FOXN3: variants seen among roughly 807,000 people sequenced by gnomAD.
The protein encoded by FOXN3 is forkhead box N3.
Under a neutral mutation model 38.4 loss-of-function variants are expected in FOXN3, and 7 were observed. That is an observed-to-expected ratio of 0.18 (90% confidence interval 0.10 to 0.34). FOXN3 has a LOEUF of 0.34. Among genes scored for constraint, FOXN3 ranks in the 10% least tolerant of loss-of-function variants. FOXN3 has a pLI of 1.00. For missense variants in FOXN3, 456 were observed against 613.4 expected, an observed-to-expected ratio of 0.74 and a Z score of 2.71; for synonymous variants, 230 against 242.2, an observed-to-expected ratio of 0.95 and a Z score of 0.47.
chr14:89,513,761 A>AT (rs1416954316), intron 1 of FOXN3, among the ~76,000 whole-genome samples: 1 of 151,742 alleles, frequency 6.6e-6, no homozygotes, highest in Non-Finnish European at 1.5e-5. Context: ...CATCCGGCTG[A>AT]TTTTTTTGTA....
At position 89,202,359 on chromosome 14, in the gene FOXN3, A is replaced by T. The variant is rs559445359; in HGVS notation, c.746-21553T>A. 3.5e-4 allele frequency among the ~76,000 whole-genome samples: 53 copies of T among 152,358 alleles called. No individual in the cohort carries two copies. In the South Asian group the frequency reaches 0.01, roughly 29 times the overall value. ...TTCTTTCTGGGTAGACTTCTACCAT[A>T]TTGAATCACACACCCGGTCCCACTA... On this transcript the variant is annotated intron_variant, in intron 4 of 5. Coordinates refer to ENST00000557258, the MANE Select transcript of FOXN3 (RefSeq NM_005197.4).
Position 89,511,844 on chromosome 14 carries a change from A to G in FOXN3, c.-14-99354T>C, listed in dbSNP as rs901300190. Among the ~76,000 whole-genome samples the G allele has an allele frequency of 4.6e-5, 7 of 152,192 alleles. No individual in the cohort carries two copies. The South Asian group carries it at 6.2e-4, about 14-fold the overall frequency. On this transcript the variant is annotated intron_variant, in intron 1 of 6. Transcript: ENST00000345097. The stretch of plus-strand genomic sequence containing the variant: ...AAGCAAACACGTCCTTCTTCACATA[A>G]TGGCAGGAACAAGAAGAATAAGTGC...
chr14:89,341,557 C>A (rs1284875896), intron 3 of FOXN3, among the ~76,000 whole-genome samples: 1 of 152,090 alleles, frequency 6.6e-6, no homozygotes, highest in African/African-American at 2.4e-5. Context: ...CTTTGTTAAT[C>A]TAGAAAATTT....
At chr14:89,224,984 C>CTG (rs538891402) in intron 4 of FOXN3, among the ~76,000 whole-genome samples, 251 of 151,838 alleles carry the variant, frequency 1.7e-3, no homozygotes, top group African/African-American at 5.9e-3. Flanking sequence ...AAAAAATTAG[C>CTG]TGGGTGTGGT....
chr14:89,589,731 C>T (rs1004850367), intron 1 of FOXN3, among the ~76,000 whole-genome samples: 5 of 6,584 alleles, frequency 7.6e-4, no homozygotes, highest in East Asian at 1.4e-3. Flanking sequence ...GAATTGGGGG[C>T]GGGGGGGCGG....
chr14:89,475,188 C>T (rs1295016938), intron 1 of FOXN3, among the ~76,000 whole-genome samples: 4 of 152,162 alleles, frequency 2.6e-5, no homozygotes, highest in East Asian at 1.9e-4. Flanking sequence ...TTTATACACA[C>T]CCATATATAT....
chr14:89,300,364 T>C (rs1402467839), intron 3 of FOXN3, among the ~76,000 whole-genome samples: 4 of 152,086 alleles, frequency 2.6e-5, no homozygotes, highest in Non-Finnish European at 4.4e-5. Flanking sequence ...TCTATTTGTA[T>C]AGAGACAGGG....
intron 3 of FOXN3, among the ~76,000 whole-genome samples, chr14:89,346,669 T>C (rs1404661443): frequency 6.6e-6 from 1 of 152,162 alleles, no homozygotes; most frequent in African/African-American, 2.4e-5. Context: ...GTTTGTCCAC[T>C]CCAAACTCCC....
chr14:89,345,767 C>T (rs1042760958), intron 3 of FOXN3, among the ~76,000 whole-genome samples: 6 of 152,228 alleles, frequency 3.9e-5, no homozygotes, highest in South Asian at 4.1e-4. Context: ...CTTAGAATAA[C>T]GGCCTCCAGG....
At chr14:89,591,177 C>A (rs1895943165) in intron 1 of FOXN3, among the ~76,000 whole-genome samples, 1 of 152,186 alleles carries the variant, frequency 6.6e-6, no homozygotes, top group South Asian at 2.1e-4. Flanking sequence ...CGCCTTATTT[C>A]CAGCCTACAG....
chr14:89,229,589 G>C (rs1413616137), intron 4 of FOXN3, among the ~76,000 whole-genome samples: 1 of 152,134 alleles, frequency 6.6e-6, no homozygotes, highest in East Asian at 1.9e-4. Context: ...GTTTGGGCAG[G>C]AACCAAATGC....
At chr14:89,485,208 A>G (rs1419477030) in intron 1 of FOXN3, among the ~76,000 whole-genome samples, 1 of 151,340 alleles carries the variant, frequency 6.6e-6, no homozygotes, top group Non-Finnish European at 1.5e-5. Flanking sequence ...CCAGCTTAAC[A>G]AAGGGCAGAC....
At chr14:89,468,263 G>T (rs1278162307) in intron 1 of FOXN3, among the ~76,000 whole-genome samples, 1 of 151,950 alleles carries the variant, frequency 6.6e-6, no homozygotes, top group Non-Finnish European at 1.5e-5. Flanking sequence ...AGACCAGCCT[G>T]GCCAACGTGG....
At chr14:89,522,855 C>T (rs963950272) in intron 1 of FOXN3, among the ~76,000 whole-genome samples, 3 of 151,390 alleles carry the variant, frequency 2.0e-5, no homozygotes, top group African/African-American at 7.3e-5. Context: ...AGTTTAAACC[C>T]AATCAAATCA....
chr14:89,175,779 T>C (rs1887504754), intron 5 of FOXN3, among the ~76,000 whole-genome samples: 1 of 152,156 alleles, frequency 6.6e-6, no homozygotes, highest in South Asian at 2.1e-4. Flanking sequence ...GACATGTCAT[T>C]CTTTTCTGCC....
At chr14:89,385,328 C>T (rs1890762338) in intron 2 of FOXN3, among the ~76,000 whole-genome samples, 1 of 151,888 alleles carries the variant, frequency 6.6e-6, no homozygotes, top group Admixed American at 6.6e-5. Context: ...AAATCTATAA[C>T]CCTATCACCT....
At chr14:89,560,296 G>T (rs1404544167) in intron 1 of FOXN3, among the ~76,000 whole-genome samples, 2 of 152,148 alleles carry the variant, frequency 1.3e-5, no homozygotes, top group African/African-American at 4.8e-5. Context: ...CATGACATTT[G>T]GGTGGGGACA....
intron 2 of FOXN3, among the ~76,000 whole-genome samples, chr14:89,359,675 C>T (rs1043921186): frequency 6.6e-6 from 1 of 152,194 alleles, no homozygotes; most frequent in Non-Finnish European, 1.5e-5. Context: ...AGAGATGCTC[C>T]GGCCGGTATG....
At chr14:89,255,606 G>A (rs1014142100) in intron 4 of FOXN3, among the ~76,000 whole-genome samples, 14 of 152,122 alleles carry the variant, frequency 9.2e-5, no homozygotes, top group African/African-American at 3.1e-4. Context: ...CTGAGGCCCA[G>A]GGAGTTGACT....
Sources: gnomAD v4.1 joint callset for allele counts (sites outside exome capture counted in the v4.1 genomes callset) on GRCh38, gnomAD v4.1.1 for gene constraint, MANE v1.5 for transcripts, NCBI Gene and HGNC (gene_info 2026-07-23, HGNC 2026-07-21) for gene names.